NAP1L5: variants seen among roughly 807,000 people sequenced by gnomAD.
NAP1L5 encodes the protein nucleosome assembly protein 1-like 5.
For synonymous variants in NAP1L5, 125 were observed against 103.6 expected, an observed-to-expected ratio of 1.21 and a Z score of -1.25; for missense variants, 249 against 246.4, an observed-to-expected ratio of 1.01 and a Z score of -0.07.
chr4:88,697,775 G>A lies in NAP1L5; in HGVS notation c.-21C>T. The stretch of plus-strand genomic sequence containing the variant: ...GCCATGTTAGAGGAGAAGCCGCAGA[G>A]GTCTAGGAGGGCTCCCGCAGAGGCC... On this transcript the variant is annotated 5_prime_UTR_variant, in exon 1 of 1. Transcript: ENST00000323061. 6.4e-7 allele frequency: 1 copy of A among 1,569,214 alleles called. No individual in the cohort carries two copies. The highest frequency in any genetic ancestry group is 8.6e-7 in the Non-Finnish European group (1 of 1,157,702).
Position 88,697,512 on chromosome 4 carries a change from G to T in NAP1L5, c.243C>A (p.Val81=), listed in dbSNP as rs768177364. The T allele has an allele frequency of 6.2e-7, 1 of 1,614,056 alleles. No homozygotes were observed. The highest frequency in any genetic ancestry group is 8.5e-7 in the Non-Finnish European group (1 of 1,180,020). ...GCTTCTGCAGCTTTTTGAGGGCCAGGACTCGGCATTTCACCGAATTAGGCA... is the reference window on the plus strand; with the variant it reads ...GCTTCTGCAGCTTTTTGAGGGCCAGTACTCGGCATTTCACCGAATTAGGCA... The part of the protein sequence containing the change: ...ESLPNSVKCR[V]LALKKLQKRC... Residue 81 remains valine, a synonymous_variant, in exon 1 of 1, where the codon GTC becomes GTA. Coordinates refer to ENST00000323061, the MANE Select transcript of NAP1L5 (RefSeq NM_153757.4).
Position 88,697,073 on chromosome 4 carries a change from T to A in NAP1L5, c.*133A>T. On this transcript the variant is annotated 3_prime_UTR_variant, in exon 1 of 1. Transcript: ENST00000323061. ...CTAATTGCTTTAATTTAATCTATTTTAGGAATGTCAGAATAAATTCACATT... is the reference window on the plus strand; with the variant it reads ...CTAATTGCTTTAATTTAATCTATTTAAGGAATGTCAGAATAAATTCACATT... The A allele has an allele frequency of 1.2e-6, 1 of 848,812 alleles. No individual in the cohort carries two copies. The highest frequency in any genetic ancestry group is 1.8e-6 in the Non-Finnish European group (1 of 564,460). The allele number at this position is 848,812 out of a possible 1,614,324, so 52.6% of individuals were successfully genotyped here.
rs1307718384 is a variant in NAP1L5, at chr4:88,695,952, A to G, written c.*1254T>C. The stretch of plus-strand genomic sequence containing the variant: ...ATACTGTTTTATTAACACCACAGTG[A>G]TAAACAACTTTAAGCTTATGTTTCT... On this transcript the variant is annotated 3_prime_UTR_variant, in exon 1 of 1. Coordinates refer to ENST00000323061, the MANE Select transcript of NAP1L5 (RefSeq NM_153757.4). The G allele has an allele frequency of 6.6e-6, 1 of 152,622 alleles. No individual in the cohort carries two copies. Among genetic ancestry groups the G allele is most frequent in the Non-Finnish European group, 1.5e-5 (1 of 68,040 alleles). 9.5% of individuals were successfully genotyped at this position (152,622 alleles called of 1,614,324 possible). A position where few individuals can be genotyped will look rare whatever the true frequency, so the allele number is the denominator to read the frequency against.
Position 88,697,780 on chromosome 4 carries a change from A to T in NAP1L5, c.-26T>A, listed in dbSNP as rs1282795161. 6.4e-7 allele frequency: 1 copy of T among 1,568,012 alleles called. No individual in the cohort carries two copies. Among genetic ancestry groups the T allele is most frequent in the East Asian group, 2.3e-5 (1 of 44,426 alleles). ...GTTAGAGGAGAAGCCGCAGAGGTCTAGGAGGGCTCCCGCAGAGGCCCTGCA... is the reference window on the plus strand; with the variant it reads ...GTTAGAGGAGAAGCCGCAGAGGTCTTGGAGGGCTCCCGCAGAGGCCCTGCA... On this transcript the variant is annotated 5_prime_UTR_variant, in exon 1 of 1. Coordinates refer to ENST00000323061, the MANE Select transcript of NAP1L5 (RefSeq NM_153757.4).
rs888148908 is a variant in NAP1L5, at chr4:88,697,817, C to T, written c.-63G>A. The stretch of plus-strand genomic sequence containing the variant: ...GCAGAGGCCCTGCACCCGAGCTGGT[C>T]CAGAGAGATCTTGCGGATGCGGCAA... On this transcript the variant is annotated 5_prime_UTR_variant, in exon 1 of 1. Coordinates refer to ENST00000323061, the MANE Select transcript of NAP1L5 (RefSeq NM_153757.4). The T allele has an allele frequency of 6.6e-7, 1 of 1,510,340 alleles. No individual in the cohort carries two copies. Among genetic ancestry groups the T allele is most frequent in the Non-Finnish European group, 8.8e-7 (1 of 1,130,508 alleles). 93.6% of individuals were successfully genotyped at this position (1,510,340 alleles called of 1,614,324 possible). A position where few individuals can be genotyped will look rare whatever the true frequency, so the allele number is the denominator to read the frequency against.
At position 88,697,134 on chromosome 4, in the gene NAP1L5, ATCGATAT is replaced by A; in HGVS notation, c.*65_*71del. 7.1e-7 allele frequency: 1 copy of A among 1,411,404 alleles called. No homozygotes were observed. Among genetic ancestry groups the A allele is most frequent in the African/African-American group, 1.5e-5 (1 of 68,818 alleles). The allele number at this position is 1,411,404 out of a possible 1,614,324, so 87.4% of individuals were successfully genotyped here. A position where few individuals can be genotyped will look rare whatever the true frequency, so the allele number is the denominator to read the frequency against. On this transcript the variant is annotated 3_prime_UTR_variant, in exon 1 of 1. Transcript: ENST00000323061. Reference sequence around the variant, plus strand: ...CAAAAACCTGAGCCTTTTTAAGTCCATCGATATTCTGGGAAAAACAAAACCAGGCTTT... The same window carrying A: ...CAAAAACCTGAGCCTTTTTAAGTCCATCTGGGAAAAACAAAACCAGGCTTT...
At position 88,697,300 on chromosome 4, in the gene NAP1L5, T is replaced by TC; in HGVS notation, c.454dup (p.Glu152GlyfsTer19). The TC allele has an allele frequency of 6.2e-7, 1 of 1,607,614 alleles. No individual in the cohort carries two copies. On this transcript the variant is annotated frameshift_variant, in exon 1 of 1. Transcript: ENST00000323061. LOFTEE classifies it low-confidence loss of function (END_TRUNC). ...CGCAGCCTCCTCCTCCTCCTCGTCT[T>TC]CCCCCTCCTCCTCGTCATCCTCGTA...
Position 88,697,121 on chromosome 4 carries a change from C to A in NAP1L5, c.*85G>T. 1 of 1,330,414 alleles carries A rather than the reference C, an allele frequency of 7.5e-7. No homozygotes were observed. The highest frequency in any genetic ancestry group is 1.0e-6 in the Non-Finnish European group (1 of 992,444). 82.4% of individuals were successfully genotyped at this position (1,330,414 alleles called of 1,614,324 possible). A position where few individuals can be genotyped will look rare whatever the true frequency, so the allele number is the denominator to read the frequency against. On this transcript the variant is annotated 3_prime_UTR_variant, in exon 1 of 1. Transcript: ENST00000323061. ...ATTGTATTTTGGTCAAAAACCTGAGCCTTTTTAAGTCCATCGATATTCTGG... is the reference window on the plus strand; with the variant it reads ...ATTGTATTTTGGTCAAAAACCTGAGACTTTTTAAGTCCATCGATATTCTGG...
rs540365839 is a variant in NAP1L5, at chr4:88,697,311, C to T, written c.444G>A (p.Glu148=). Residue 148 remains glutamate, a synonymous_variant, in exon 1 of 1, where the codon GAG becomes GAA. Coordinates refer to ENST00000323061, the MANE Select transcript of NAP1L5 (RefSeq NM_153757.4). The stretch of plus-strand genomic sequence containing the variant: ...CCTCCTCCTCGTCTTCCCCCTCCTC[C>T]TCGTCATCCTCGTACTCCTCTTCCT... The part of the protein sequence containing the change: ...EEEEEEYEDD[E]EEGEDEEEEE... 2.5e-6 allele frequency: 4 copies of T among 1,611,792 alleles called. No individual in the cohort carries two copies. The highest frequency in any genetic ancestry group is 3.4e-6 in the Non-Finnish European group (4 of 1,178,644).
At position 88,697,647 on chromosome 4, in the gene NAP1L5, G is replaced by C. The variant is rs775538027; in HGVS notation, c.108C>G (p.Asp36Glu). 8.1e-6 allele frequency: 13 copies of C among 1,613,458 alleles called. No homozygotes were observed. In the East Asian group the frequency reaches 2.7e-4, roughly 33 times the overall value. The part of the protein sequence containing the change: ...VMAEGGAQGG[D>E]CDSAAGDPDS... The stretch of plus-strand genomic sequence containing the variant: ...CAGGGTCACCAGCCGCGCTGTCACA[G>C]TCTCCACCCTGCGCACCGCCTTCCG... Residue 36 changes from aspartate to glutamate, a missense_variant, in exon 1 of 1, where the codon GAC (aspartate) becomes GAG (glutamate). Transcript: ENST00000323061.
Position 88,697,762 on chromosome 4 carries a change from G to A in NAP1L5, c.-8C>T. On this transcript the variant is annotated 5_prime_UTR_variant, in exon 1 of 1. Coordinates refer to ENST00000323061, the MANE Select transcript of NAP1L5 (RefSeq NM_153757.4). ...GTTTTCCGAGTCGGCCATGTTAGAG[G>A]AGAAGCCGCAGAGGTCTAGGAGGGC... The A allele has an allele frequency of 6.2e-7, 1 of 1,601,040 alleles. No individual in the cohort carries two copies. Among genetic ancestry groups the A allele is most frequent in the Non-Finnish European group, 8.5e-7 (1 of 1,174,120 alleles).
chr4:88,697,827 C>CT lies in NAP1L5; in HGVS notation c.-74dup, dbSNP rs1273005761. 1 of 1,502,998 alleles carries CT rather than the reference C, an allele frequency of 6.7e-7. No homozygotes were observed. The highest frequency in any genetic ancestry group is 8.9e-7 in the Non-Finnish European group (1 of 1,126,406). 93.1% of individuals were successfully genotyped at this position (1,502,998 alleles called of 1,614,324 possible). A position where few individuals can be genotyped will look rare whatever the true frequency, so the allele number is the denominator to read the frequency against. ...TGCACCCGAGCTGGTCCAGAGAGAT[C>CT]TTGCGGATGCGGCAAGTGGCGGTGA... is the stretch of plus-strand genomic sequence containing the variant. On this transcript the variant is annotated 5_prime_UTR_variant, in exon 1 of 1. Coordinates refer to ENST00000323061, the MANE Select transcript of NAP1L5 (RefSeq NM_153757.4).
Position 88,697,120 on chromosome 4 carries a change from G to T in NAP1L5, c.*86C>A, listed in dbSNP as rs1269526269. The T allele has an allele frequency of 5.3e-6, 7 of 1,319,256 alleles. No homozygotes were observed. Among genetic ancestry groups the T allele is most frequent in the Non-Finnish European group, 6.1e-6 (6 of 982,048 alleles). The allele number at this position is 1,319,256 out of a possible 1,614,324, so 81.7% of individuals were successfully genotyped here. Reference sequence around the variant, plus strand: ...CATTGTATTTTGGTCAAAAACCTGAGCCTTTTTAAGTCCATCGATATTCTG... The same window carrying T: ...CATTGTATTTTGGTCAAAAACCTGATCCTTTTTAAGTCCATCGATATTCTG... On this transcript the variant is annotated 3_prime_UTR_variant, in exon 1 of 1. Transcript: ENST00000323061.
chr4:88,697,038 TG>T lies in NAP1L5; in HGVS notation c.*167del. On this transcript the variant is annotated 3_prime_UTR_variant, in exon 1 of 1. Transcript: ENST00000323061. The stretch of plus-strand genomic sequence containing the variant: ...AATGAAAGTCAAATTTGAATCGAGC[TG>T]GCCAGGATCTAATTGCTTTAATTTA... The T allele has an allele frequency of 1.7e-6, 1 of 593,786 alleles. No individual in the cohort carries two copies. The highest frequency in any genetic ancestry group is 2.8e-6 in the Non-Finnish European group (1 of 359,596). 36.8% of individuals were successfully genotyped at this position (593,786 alleles called of 1,614,324 possible).
rs1734681229 is a variant in NAP1L5 at position 88,697,162 on chromosome 4, GC to G, written c.*43del. 1 of 1,456,670 alleles carries G rather than the reference GC, an allele frequency of 6.9e-7. No homozygotes were observed. Among genetic ancestry groups the G allele is most frequent in the African/African-American group, 1.4e-5 (1 of 69,514 alleles). 90.2% of individuals were successfully genotyped at this position (1,456,670 alleles called of 1,614,324 possible). A position where few individuals can be genotyped will look rare whatever the true frequency, so the allele number is the denominator to read the frequency against. On this transcript the variant is annotated 3_prime_UTR_variant, in exon 1 of 1. Coordinates refer to ENST00000323061, the MANE Select transcript of NAP1L5 (RefSeq NM_153757.4). ...GATATTCTGGGAAAAACAAAACCAG[GC>G]TTTTTTCTTCGTGGGCTTTCTCTTC... is the stretch of plus-strand genomic sequence containing the variant.
chr4:88,697,575 C>T lies in NAP1L5; in HGVS notation c.180G>A (p.Glu60=). The T allele has an allele frequency of 6.2e-7, 1 of 1,614,100 alleles. No individual in the cohort carries two copies. The highest frequency in any genetic ancestry group is 1.1e-5 in the South Asian group (1 of 91,082). Reference sequence around the variant, plus strand: ...AGTCATTTTTCGGCTTTGGGGCATTCTCTGCAGGGGTCTGGGGCTCCTCAG... The same window carrying T: ...AGTCATTTTTCGGCTTTGGGGCATTTTCTGCAGGGGTCTGGGGCTCCTCAG... The part of the protein sequence containing the change: ...QMAEEPQTPA[E]NAPKPKNDFI... The change falls in exon 1 of 1, where the codon GAG becomes GAA. Residue 60 remains glutamate, a synonymous_variant. Transcript: ENST00000323061.
In NAP1L5 at chr4:88,697,598, C is replaced by T; in HGVS notation, c.157G>A (p.Glu53Lys). ...DPDSAAGQMAEEPQTPAENAP... is the reference protein window; with the variant it reads ...DPDSAAGQMAKEPQTPAENAP... Reference sequence around the variant, plus strand: ...TTCTCTGCAGGGGTCTGGGGCTCCTCAGCCATCTGACCAGCCGCGCTGTCA... The same window carrying T: ...TTCTCTGCAGGGGTCTGGGGCTCCTTAGCCATCTGACCAGCCGCGCTGTCA... Residue 53 changes from glutamate (E) to lysine (K), a missense_variant, in exon 1 of 1, where the codon GAG (glutamate) becomes AAG (lysine). Glu to Lys is a moderately conservative substitution (Grantham distance 56). Transcript: ENST00000323061. The T allele has an allele frequency of 6.2e-7, 1 of 1,613,616 alleles. No individual in the cohort carries two copies. The highest frequency in any genetic ancestry group is 8.5e-7 in the Non-Finnish European group (1 of 1,179,684).
In NAP1L5 at chr4:88,697,583, G is replaced by A. The variant is rs889626394; in HGVS notation, c.172C>T (p.Pro58Ser). Reference protein sequence around the residue: ...AGQMAEEPQTPAENAPKPKND... With the variant: ...AGQMAEEPQTSAENAPKPKND... ...TTCGGCTTTGGGGCATTCTCTGCAGGGGTCTGGGGCTCCTCAGCCATCTGA... is the reference window on the plus strand; with the variant it reads ...TTCGGCTTTGGGGCATTCTCTGCAGAGGTCTGGGGCTCCTCAGCCATCTGA... Residue 58 changes from proline to serine, a missense_variant, in exon 1 of 1, where the codon CCT becomes TCT. By Grantham distance (74) the Pro-to-Ser change is moderately conservative (BLOSUM62 -1). Coordinates refer to ENST00000323061, the MANE Select transcript of NAP1L5 (RefSeq NM_153757.4). The A allele has an allele frequency of 3.7e-6, 6 of 1,613,688 alleles. No homozygotes were observed. The highest frequency in any genetic ancestry group is 1.3e-5 in the African/African-American group (1 of 74,888).
At position 88,697,303 on chromosome 4, in the gene NAP1L5, C is replaced by G; in HGVS notation, c.452G>C (p.Gly151Ala). The change falls in exon 1 of 1, where the codon GGG becomes GCG. Residue 151 changes from glycine (G) to alanine (A), a missense_variant. By Grantham distance (60) the Gly-to-Ala change is moderately conservative. Transcript: ENST00000323061. ...AGCCTCCTCCTCCTCCTCGTCTTCCCCCTCCTCCTCGTCATCCTCGTACTC... is the reference window on the plus strand; with the variant it reads ...AGCCTCCTCCTCCTCCTCGTCTTCCGCCTCCTCCTCGTCATCCTCGTACTC... ...EEEYEDDEEE[G>A]EDEEEEEAAA... 3 of 1,609,746 alleles carry G rather than the reference C, an allele frequency of 1.9e-6. No individual in the cohort carries two copies. The South Asian group carries it at 3.3e-5, about 18-fold the overall frequency.
Sources: gnomAD v4.1 joint callset for allele counts on GRCh38, gnomAD v4.1.1 for gene constraint, MANE v1.5 for transcripts, NCBI Gene and HGNC (gene_info 2026-07-23, HGNC 2026-07-21) for gene names.